Variants in TULP3 observed in about 807,000 individuals in gnomAD.
TULP3 encodes tubby-related protein 3.
TULP3 carries 38 observed loss-of-function variants against 50.7 expected under a neutral mutation model. The observed-to-expected ratio is 0.75, with a 90% CI of 0.58 to 0.98. The LOEUF (loss-of-function observed/expected upper bound fraction) is 0.98, where lower values mean the gene tolerates loss of function less well. TULP3 is among the 50% of genes least tolerant of loss of function. TULP3 has a pLI of 0.00. For synonymous variants in TULP3, 183 were observed against 196.6 expected (o/e 0.93, Z 0.58); for missense variants, 550 against 568.0 (o/e 0.97, Z 0.32).
intron 1 of TULP3, 53 bp from the exon 2 acceptor site, chr12:2,909,476 T>G (rs2098184205): frequency 6.6e-7 from 1 of 1,516,602 alleles, no homozygotes; most frequent in African/African-American, 1.4e-5. Flanking sequence ...AAGATGAAAT[T>G]GACAAGGCGT....
At position 2,890,946 on chromosome 12, in the gene TULP3, G is replaced by A; in HGVS notation, c.-2G>A. 2 of 1,597,122 alleles carry A rather than the reference G, an allele frequency of 1.3e-6. No homozygotes were observed. Among genetic ancestry groups the A allele is most frequent in the Non-Finnish European group, 1.7e-6 (2 of 1,172,098 alleles). ...GTGGTGGGGGCTTCCTCGGTGGCGGGCATGGAGGCTTCGCGCTGCCGGCTC... is the reference window on the plus strand; with the variant it reads ...GTGGTGGGGGCTTCCTCGGTGGCGGACATGGAGGCTTCGCGCTGCCGGCTC... On this transcript the variant is annotated 5_prime_UTR_variant, in exon 1 of 11. Coordinates refer to ENST00000448120, the MANE Select transcript of TULP3 (RefSeq NM_003324.5).
intron 4 of TULP3, among the ~76,000 whole-genome samples, chr12:2,924,977 A>G (rs1233447240): frequency 6.6e-6 from 1 of 152,180 alleles, no homozygotes; most frequent in African/African-American, 2.4e-5. Flanking sequence ...GGAGATCAAG[A>G]CCATCCTGGC....
chr12:2,914,125 CTTT>C (rs71057862), intron 2 of TULP3, among the ~76,000 whole-genome samples: 5 of 130,678 alleles, frequency 3.8e-5, no homozygotes, highest in Non-Finnish European at 4.7e-5. Flanking sequence ...ATAAATAATT[CTTT>C]TTTTTTTTTT....
chr12:2,925,863 C>T (rs943892662), intron 4 of TULP3, among the ~76,000 whole-genome samples: 1 of 152,220 alleles, frequency 6.6e-6, no homozygotes, highest in Non-Finnish European at 1.5e-5. Flanking sequence ...CACACTGTCT[C>T]CTTGTGCACT....
In TULP3 at chr12:2,940,200, C is replaced by T. The variant is rs2098203870; in HGVS notation, c.*756C>T. ...TGCCTTCATTTTCAACCCAGGAGTG[C>T]CTCTCACAGCTATATGACTACGGAT... On this transcript the variant is annotated 3_prime_UTR_variant, in exon 11 of 11. Transcript: ENST00000448120. The T allele has an allele frequency of 9.1e-6, 12 of 1,325,478 alleles. No individual in the cohort carries two copies. The highest frequency in any genetic ancestry group is 1.2e-5 in the Non-Finnish European group (12 of 1,013,498). 82.1% of individuals were successfully genotyped at this position (1,325,478 alleles called of 1,614,324 possible). A position where few individuals can be genotyped will look rare whatever the true frequency, so the allele number is the denominator to read the frequency against.
intron 1 of TULP3, among the ~76,000 whole-genome samples, chr12:2,900,780 G>C (rs1358349395): frequency 6.6e-6 from 1 of 151,268 alleles, no homozygotes; most frequent in African/African-American, 2.4e-5. Context: ...GAGTGTGGCG[G>C]TGTGACGATA....
chr12:2,917,712 C>T (rs1023248473), intron 2 of TULP3, among the ~76,000 whole-genome samples: 4 of 151,680 alleles, frequency 2.6e-5, no homozygotes, highest in African/African-American at 9.7e-5. Context: ...CTCATCTTTA[C>T]TAAAAATACA....
chr12:2,938,128 G>T lies in TULP3; in HGVS notation c.1038G>T (p.Leu346Phe). ...PYQPQNNHDS[L>F]LSRWQNRTME... ...CCTTTGGACAGAACCATGACAGTTTGCTCTCAAGGTGGCAGAACAGAACTA... is the reference window on the plus strand; with the variant it reads ...CCTTTGGACAGAACCATGACAGTTTTCTCTCAAGGTGGCAGAACAGAACTA... Residue 346 changes from leucine (L) to phenylalanine (F), a missense_variant, in exon 10 of 11, where the codon TTG (leucine) becomes TTT (phenylalanine). Leu to Phe is a conservative substitution (Grantham distance 22). Coordinates refer to ENST00000448120, the MANE Select transcript of TULP3 (RefSeq NM_003324.5). 1.2e-6 allele frequency: 2 copies of T among 1,614,196 alleles called. No individual in the cohort carries two copies. Among genetic ancestry groups the T allele is most frequent in the Non-Finnish European group, 8.5e-7 (1 of 1,180,038 alleles).
chr12:2,938,049 A>C (rs1417626791), intron 9 of TULP3, 65 bp from the exon 10 acceptor site: 1 of 1,564,194 alleles, frequency 6.4e-7, no homozygotes, highest in Non-Finnish European at 8.7e-7. Context: ...GTATTCTCCT[A>C]CTCTACCTTC....
At position 2,930,398 on chromosome 12, in the gene TULP3, CAT is replaced by C. The variant is rs2098197275; in HGVS notation, c.492+56_492+57del. 3 of 1,126,194 alleles carry C rather than the reference CAT, an allele frequency of 2.7e-6. No individual in the cohort carries two copies. The Admixed American group carries it at 6.7e-5, about 25-fold the overall frequency. 69.8% of individuals were successfully genotyped at this position (1,126,194 alleles called of 1,614,324 possible). A position where few individuals can be genotyped will look rare whatever the true frequency, so the allele number is the denominator to read the frequency against. On this transcript the variant is annotated intron_variant, in intron 5 of 10. Coordinates refer to ENST00000448120, the MANE Select transcript of TULP3 (RefSeq NM_003324.5). The stretch of plus-strand genomic sequence containing the variant: ...AGAGCTAATTTGACTCTTTCTCAAA[CAT>C]ATCTTCAGTATTTATTTATTTATTA...
At chr12:2,901,828 A>G (rs1222437636) in intron 1 of TULP3, among the ~76,000 whole-genome samples, 2 of 152,202 alleles carry the variant, frequency 1.3e-5, no homozygotes, top group African/African-American at 4.8e-5. Flanking sequence ...TTTGCAGAAC[A>G]AAAGTTTTTC....
chr12:2,899,903 C>A (rs12825918), intron 1 of TULP3, among the ~76,000 whole-genome samples: 424 of 40,434 alleles, frequency 0.01, 6 homozygotes, highest in African/African-American at 0.038. Context: ...AAAAAAAAAA[C>A]AAACAAAAAA....
chr12:2,908,350 T>C (rs563276971), intron 1 of TULP3, among the ~76,000 whole-genome samples: 52 of 152,294 alleles, frequency 3.4e-4, no homozygotes, highest in Non-Finnish European at 6.8e-4. Flanking sequence ...CTTCACACTT[T>C]CCAAGAATGC....
chr12:2,891,866 C>G (rs1259316494), intron 1 of TULP3, among the ~76,000 whole-genome samples: 1 of 151,828 alleles, frequency 6.6e-6, no homozygotes, highest in Non-Finnish European at 1.5e-5. Context: ...CCAGCCTGGA[C>G]AAGATAGCGA....
At chr12:2,927,853 AGG>A (rs1287658601) in intron 4 of TULP3, among the ~76,000 whole-genome samples, 34 of 152,326 alleles carry the variant, frequency 2.2e-4, no homozygotes, top group African/African-American at 7.7e-4. Flanking sequence ...CATTTCAGTG[AGG>A]GGTAACTTCA....
At position 2,940,673 on chromosome 12, in the gene TULP3, A is replaced by T; in HGVS notation, c.*1229A>T. On this transcript the variant is annotated 3_prime_UTR_variant, in exon 11 of 11. Transcript: ENST00000448120. ...GCTCCCTCAGACCTCCCTTCTGTGG[A>T]CTGACCTCTCACCTCCGCCTGTTGT... 6.4e-7 allele frequency: 1 copy of T among 1,551,698 alleles called. No individual in the cohort carries two copies. The highest frequency in any genetic ancestry group is 8.7e-7 in the Non-Finnish European group (1 of 1,146,986).
intron 1 of TULP3, among the ~76,000 whole-genome samples, chr12:2,903,772 T>G (rs2098180610): frequency 6.6e-6 from 1 of 152,060 alleles, no homozygotes; most frequent in Admixed American, 6.6e-5. Flanking sequence ...TGTTAACGTC[T>G]TCTTTTTTGT....
At position 2,939,105 on chromosome 12, in the gene TULP3, A is replaced by G. The variant is rs1002707711; in HGVS notation, c.1196-206A>G. 1.3e-5 allele frequency among the ~76,000 whole-genome samples: 2 copies of G among 152,062 alleles called. No individual in the cohort carries two copies. Among genetic ancestry groups the G allele is most frequent in the Non-Finnish European group, 2.9e-5 (2 of 68,016 alleles). On this transcript the variant is annotated intron_variant, in intron 10 of 10. Coordinates refer to ENST00000448120, the MANE Select transcript of TULP3 (RefSeq NM_003324.5). This position sits in a 1 kb window ranked among gnomAD's most constrained non-coding sequence, Gnocchi z 4.0. ...GCCAGGCGTGGTGGCGCTTGCCTGT[A>G]GTCCCAGCTACTCAGGAGGCTGAGG...
chr12:2,899,281 G>A (rs2098177410), intron 1 of TULP3, among the ~76,000 whole-genome samples: 1 of 147,882 alleles, frequency 6.8e-6, no homozygotes, highest in Non-Finnish European at 1.5e-5. Context: ...GGAGGCTGAG[G>A]TTGTGGTGAG....
Sources: gnomAD v4.1 joint callset for allele counts (sites outside exome capture counted in the v4.1 genomes callset) on GRCh38, gnomAD v4.1.1 for gene constraint, Gnocchi (gnomAD v3.1) non-coding constraint, MANE v1.5 for transcripts, NCBI Gene and HGNC (gene_info 2026-07-23, HGNC 2026-07-21) for gene names.